The following COLGALT1 variants were observed in gnomAD, a reference collection of about 807,000 sequenced individuals.
The protein encoded by COLGALT1 is procollagen galactosyltransferase 1.
In COLGALT1, 43 loss-of-function variants were observed where a neutral mutation model predicts 60.8. The observed-to-expected ratio is 0.71, with a 90% CI of 0.55 to 0.91. The LOEUF (loss-of-function observed/expected upper bound fraction) is 0.91, where lower values mean the gene tolerates loss of function less well. Among genes scored for constraint, COLGALT1 ranks in the 40% least tolerant of loss-of-function variants. COLGALT1 has a pLI of 0.00. For missense variants in COLGALT1, 845 were observed against 880.0 expected (o/e 0.96, Z 0.50); for synonymous variants, 369 against 374.2 (o/e 0.99, Z 0.16).
intron 5 of COLGALT1, among the ~76,000 whole-genome samples, chr19:17,569,782 TG>T (rs2144831015): frequency 6.6e-6 from 1 of 152,022 alleles, no homozygotes; most frequent in African/African-American, 2.4e-5. Flanking sequence ...ATTGTTTAAT[TG>T]GGAAAACAAA....
intron 5 of COLGALT1, among the ~76,000 whole-genome samples, chr19:17,569,891 CTTTTTTT>C (rs71162156): frequency 3.0e-5 from 3 of 98,740 alleles, no homozygotes; most frequent in African/African-American, 3.9e-5. Flanking sequence ...CCACTAATTA[CTTTTTTT>C]TTTTTTTTTT....
In COLGALT1 at chr19:17,555,922, C is replaced by T; in HGVS notation, c.209C>T (p.Thr70Met). ...AACGCGGCCCACGCGTTGCCCACCACGCTGGGCGCACTCGAGCGGCTGCGG... is the reference window on the plus strand; with the variant it reads ...AACGCGGCCCACGCGTTGCCCACCATGCTGGGCGCACTCGAGCGGCTGCGG... ...ARNAAHALPT[T>M]LGALERLRHP... The change falls in exon 1 of 12, where the codon ACG (threonine) becomes ATG (methionine). Residue 70 changes from threonine to methionine, a missense_variant. Thr to Met is a moderately conservative substitution (Grantham distance 81, BLOSUM62 -1). Transcript: ENST00000252599. The T allele has an allele frequency of 7.1e-7, 1 of 1,398,650 alleles. No homozygotes were observed. Among genetic ancestry groups the T allele is most frequent in the Non-Finnish European group, 9.3e-7 (1 of 1,075,950 alleles). The allele number at this position is 1,398,650 out of a possible 1,614,324, so 86.6% of individuals were successfully genotyped here.
In COLGALT1 at chr19:17,580,738, G is replaced by A. The variant is rs2076375287; in HGVS notation, c.1434G>A (p.Glu478=). 1 of 1,614,060 alleles carries A rather than the reference G, an allele frequency of 6.2e-7. No homozygotes were observed. The highest frequency in any genetic ancestry group is 1.1e-5 in the South Asian group (1 of 91,078). ...AGCGGATGCAGGTGGAGCACCCCGA[G>A]AAGGCTGTGCCTCGCGTGAGGAACC... ...GRKRMQVEHP[E]KAVPRVRNLV... is the part of the protein sequence containing the mutation. The change falls in exon 11 of 12, where the codon GAG becomes GAA. Residue 478 remains glutamate, a synonymous_variant. Coordinates refer to ENST00000252599, the MANE Select transcript of COLGALT1 (RefSeq NM_024656.4).
At chr19:17,560,217 C>T (rs539772720) in intron 2 of COLGALT1, 131 bp from the exon 3 acceptor site, 388 of 573,450 alleles carry the variant, frequency 6.8e-4, no homozygotes, top group South Asian at 1.0e-3. Flanking sequence ...TTTACTTTTT[C>T]CCATCCCTCA....
chr19:17,560,206 G>A (rs572739720), intron 2 of COLGALT1, 142 bp from the exon 3 acceptor site: 237 of 632,722 alleles, frequency 3.7e-4, no homozygotes, highest in African/African-American at 3.3e-3. Context: ...TTTCCTCGTC[G>A]TTTACTTTTT....
intron 3 of COLGALT1, among the ~76,000 whole-genome samples, chr19:17,567,061 G>A (rs1437644767): frequency 3.3e-5 from 5 of 152,098 alleles, no homozygotes; most frequent in Non-Finnish European, 7.4e-5. Context: ...GTTGCAGCGA[G>A]CTGAGACCAT....
intron 6 of COLGALT1, among the ~76,000 whole-genome samples, chr19:17,576,542 T>C (rs1247463597): frequency 1.4e-5 from 2 of 144,414 alleles, no homozygotes; most frequent in South Asian, 4.5e-4. Context: ...GGAGTGAAGC[T>C]GGAGCCCAGG....
chr19:17,578,594 G>A (rs138992120), intron 9 of COLGALT1, among the ~76,000 whole-genome samples: 305 of 152,290 alleles, frequency 2.0e-3, no homozygotes, highest in Non-Finnish European at 3.3e-3. Flanking sequence ...GCACACCTGT[G>A]GTCCCAACTA....
At position 17,567,432 on chromosome 19, in the gene COLGALT1, C is replaced by T. The variant is rs1443763502; in HGVS notation, c.516C>T (p.Leu172=). The change falls in exon 4 of 12, where the codon CTC becomes CTT. Residue 172 remains leucine, a synonymous_variant. Coordinates refer to ENST00000252599, the MANE Select transcript of COLGALT1 (RefSeq NM_024656.4). ...ILFVDADNLI[L]NPDTLSLLIA... ...TTGTAGATGCGGACAACCTGATCCT[C>T]AACCCTGACACACTGAGCCTGCTCA... is the stretch of plus-strand genomic sequence containing the variant. 1 of 1,613,972 alleles carries T rather than the reference C, an allele frequency of 6.2e-7. No homozygotes were observed. The highest frequency in any genetic ancestry group is 2.2e-5 in the East Asian group (1 of 44,876).
chr19:17,572,987 G>A (rs886679323), intron 6 of COLGALT1, among the ~76,000 whole-genome samples: 2 of 152,154 alleles, frequency 1.3e-5, no homozygotes, highest in African/African-American at 4.8e-5. Flanking sequence ...TGGTATCCAG[G>A]GCCAGGGTGG....
In COLGALT1 at chr19:17,568,698, TCC is replaced by T; in HGVS notation, c.815_816del (p.Ser272LeufsTer32). The part of the protein sequence containing the change: ...SFDDIIVFAF[S>X]CKQAEVQMYV... Reference sequence around the variant, plus strand: ...TGACGACATCATCGTCTTTGCCTTCTCCTGCAAGCAGGCAGGTACGTACATGA... The same window carrying T: ...TGACGACATCATCGTCTTTGCCTTCTTGCAAGCAGGCAGGTACGTACATGA... On this transcript the variant is annotated frameshift_variant, in exon 5 of 12. Coordinates refer to ENST00000252599, the MANE Select transcript of COLGALT1 (RefSeq NM_024656.4). LOFTEE classifies it high-confidence loss of function. 6.2e-7 allele frequency: 1 copy of T among 1,614,164 alleles called. No individual in the cohort carries two copies. The highest frequency in any genetic ancestry group is 2.2e-5 in the East Asian group (1 of 44,876).
Position 17,579,493 on chromosome 19 carries a change from G to C in COLGALT1, c.1278G>C (p.Arg426=), listed in dbSNP as rs748178640. 6.2e-7 allele frequency: 1 copy of C among 1,614,018 alleles called. No individual in the cohort carries two copies. The highest frequency in any genetic ancestry group is 1.3e-5 in the African/African-American group (1 of 74,904). Reference sequence around the variant, plus strand: ...GCTTCCTCCCTCAGGTGGTGGACCGGGGGCTGCAGAAATCGCTTGTGTTTG... The same window carrying C: ...GCTTCCTCCCTCAGGTGGTGGACCGCGGGCTGCAGAAATCGCTTGTGTTTG... ...HYNIWKEVVD[R]GLQKSLVFED... is the part of the protein sequence containing the mutation. Residue 426 remains arginine (R), a synonymous_variant, in exon 10 of 12, where the codon CGG becomes CGC. Transcript: ENST00000252599.
intron 1 of COLGALT1, among the ~76,000 whole-genome samples, chr19:17,557,948 A>AT (rs996891669): frequency 2.0e-5 from 3 of 151,096 alleles, no homozygotes; most frequent in African/African-American, 7.3e-5. Flanking sequence ...TTATTTATTT[A>AT]TTTTTTGAGA....
rs984808442 is a variant in COLGALT1, at chr19:17,581,619, T to C, written c.*175T>C. The C allele has an allele frequency of 1.8e-4, 151 of 828,632 alleles. No homozygotes were observed. The highest frequency in any genetic ancestry group is 3.8e-4 in the South Asian group (21 of 54,862). 51.3% of individuals were successfully genotyped at this position (828,632 alleles called of 1,614,324 possible). A position where few individuals can be genotyped will look rare whatever the true frequency, so the allele number is the denominator to read the frequency against. The stretch of plus-strand genomic sequence containing the variant: ...GTGCACACAGGCAGCATTAATGGAG[T>C]GCCTACTGCATGCCAGCAACAGGGC... On this transcript the variant is annotated 3_prime_UTR_variant, in exon 12 of 12. Transcript: ENST00000252599.
chr19:17,574,776 C>T (rs893542348), intron 6 of COLGALT1, among the ~76,000 whole-genome samples: 1 of 152,182 alleles, frequency 6.6e-6, no homozygotes, highest in Non-Finnish European at 1.5e-5. Flanking sequence ...CCATTTATCA[C>T]CAACTCCCAT....
chr19:17,578,244 A>C (rs956347333), intron 9 of COLGALT1, among the ~76,000 whole-genome samples, 155 bp downstream of exon 9: 1 of 152,090 alleles, frequency 6.6e-6, no homozygotes, highest in African/African-American at 2.4e-5. Flanking sequence ...ATGATGCGCC[A>C]CACCAGCTGT....
At chr19:17,574,483 A>G (rs1477330491) in intron 6 of COLGALT1, among the ~76,000 whole-genome samples, 1 of 151,890 alleles carries the variant, frequency 6.6e-6, no homozygotes, top group Non-Finnish European at 1.5e-5. Context: ...GGTACCTGCC[A>G]CCACACCTGG....
At chr19:17,571,347 G>T (rs1175171575) in intron 5 of COLGALT1, among the ~76,000 whole-genome samples, 3 of 151,936 alleles carry the variant, frequency 2.0e-5, no homozygotes, top group Non-Finnish European at 4.4e-5. Context: ...AACCCAGGAG[G>T]CAGTGAACGG....
Position 17,577,188 on chromosome 19 carries a change from C to G in COLGALT1, c.950-7C>G. 1.2e-6 allele frequency: 2 copies of G among 1,612,930 alleles called. No homozygotes were observed. Among genetic ancestry groups the G allele is most frequent in the Non-Finnish European group, 1.7e-6 (2 of 1,179,512 alleles). Reference sequence around the variant, plus strand: ...CCCAGCGACTCCTCAACGTCTGTGCCCCACAGTGAAGCACCCGCCCGCAGA... The same window carrying G: ...CCCAGCGACTCCTCAACGTCTGTGCGCCACAGTGAAGCACCCGCCCGCAGA... On this transcript the variant is annotated splice_region_variant and splice_polypyrimidine_tract_variant and intron_variant, in intron 6 of 11. Coordinates refer to ENST00000252599, the MANE Select transcript of COLGALT1 (RefSeq NM_024656.4).
Sources: gnomAD v4.1 joint callset for allele counts (sites outside exome capture counted in the v4.1 genomes callset) on GRCh38, gnomAD v4.1.1 for gene constraint, MANE v1.5 for transcripts, NCBI Gene and HGNC (gene_info 2026-07-23, HGNC 2026-07-21) for gene names.